The following DNAJC1 variants were observed in gnomAD, a reference collection of about 807,000 sequenced individuals.
DNAJC1 encodes DnaJ heat shock protein family (Hsp40) member C1.
In DNAJC1, 58 loss-of-function variants were observed where a neutral mutation model predicts 76.6. That is an observed-to-expected ratio of 0.76 (90% CI 0.61 to 0.94). DNAJC1 has a LOEUF of 0.94. Ranked by LOEUF, DNAJC1 falls within the 40% of genes least tolerant of loss-of-function variation. The pLI, the probability that DNAJC1 is intolerant of heterozygous loss-of-function variation, is 0.00. For missense variants in DNAJC1, 689 were observed against 677.3 expected (o/e 1.02, Z -0.19); for synonymous variants, 258 against 267.9 (o/e 0.96, Z 0.36).
chr10:21,829,194 C>A (rs571999708), intron 8 of DNAJC1, among the ~76,000 whole-genome samples: 2 of 151,106 alleles, frequency 1.3e-5, no homozygotes, highest in African/African-American at 4.9e-5. Flanking sequence ...CCATGCCCAG[C>A]TGATTTTTTT....
chr10:21,818,509 C>G (rs1163158789), intron 8 of DNAJC1, among the ~76,000 whole-genome samples: 1 of 152,076 alleles, frequency 6.6e-6, no homozygotes, highest in Admixed American at 6.6e-5. Context: ...CCTCTGTGAC[C>G]CACACCCTTT....
At chr10:21,914,555 T>G (rs1371661736) in intron 6 of DNAJC1, among the ~76,000 whole-genome samples, 1 of 152,216 alleles carries the variant, frequency 6.6e-6, no homozygotes, top group East Asian at 1.9e-4. Flanking sequence ...TTATTCTGTC[T>G]AAATATTCTT....
At chr10:21,941,147 T>A (rs1837403635) in intron 1 of DNAJC1, among the ~76,000 whole-genome samples, 1 of 147,790 alleles carries the variant, frequency 6.8e-6, no homozygotes, top group Non-Finnish European at 1.5e-5. Flanking sequence ...CAGGTGCCTG[T>A]AGTCCCAGCT....
At chr10:21,788,797 C>T (rs1834644653) in intron 9 of DNAJC1, among the ~76,000 whole-genome samples, 1 of 152,156 alleles carries the variant, frequency 6.6e-6, no homozygotes, top group Non-Finnish European at 1.5e-5. Context: ...GCTCAAACCT[C>T]CAGAGCACAC....
intron 7 of DNAJC1, among the ~76,000 whole-genome samples, chr10:21,884,456 G>GA (rs1371428147): frequency 6.6e-6 from 1 of 152,110 alleles, no homozygotes; most frequent in Non-Finnish European, 1.5e-5. Flanking sequence ...ATTGGTGGAG[G>GA]AAATGTATTA....
At chr10:21,922,428 G>T (rs1837056234) in intron 3 of DNAJC1, among the ~76,000 whole-genome samples, 1 of 151,906 alleles carries the variant, frequency 6.6e-6, no homozygotes, top group Non-Finnish European at 1.5e-5. Flanking sequence ...TGAAAGCAAA[G>T]GACATTAATT....
intron 8 of DNAJC1, among the ~76,000 whole-genome samples, chr10:21,855,483 A>G (rs1010290678): frequency 4.6e-5 from 7 of 152,212 alleles, no homozygotes; most frequent in African/African-American, 1.7e-4. Flanking sequence ...GAAAAAAATA[A>G]AACTGTTTTA....
At chr10:21,914,925 G>A (rs148565416) in intron 6 of DNAJC1, among the ~76,000 whole-genome samples, 1 of 152,128 alleles carries the variant, frequency 6.6e-6, no homozygotes, top group African/African-American at 2.4e-5. Flanking sequence ...ATCTACAGAA[G>A]TCACTGTTCA....
chr10:21,975,427 A>C (rs1454636455), intron 1 of DNAJC1, among the ~76,000 whole-genome samples: 2 of 152,176 alleles, frequency 1.3e-5, no homozygotes, highest in Non-Finnish European at 2.9e-5. Flanking sequence ...AAAAACATGA[A>C]GTGGGCTGAA....
At chr10:21,807,431 C>T (rs1054106362) in intron 8 of DNAJC1, among the ~76,000 whole-genome samples, 2 of 152,142 alleles carry the variant, frequency 1.3e-5, no homozygotes, top group African/African-American at 2.4e-5. Context: ...TTACTGTCTC[C>T]CCCAATCAAT....
At chr10:21,861,173 T>A (rs1286724370) in intron 8 of DNAJC1, among the ~76,000 whole-genome samples, 1 of 152,130 alleles carries the variant, frequency 6.6e-6, no homozygotes, top group Admixed American at 6.6e-5. Context: ...AGGTAAAGAT[T>A]CTAAGCCCAT....
intron 9 of DNAJC1, among the ~76,000 whole-genome samples, chr10:21,772,216 T>G (rs1834388119): frequency 6.6e-6 from 1 of 151,916 alleles, no homozygotes; most frequent in Non-Finnish European, 1.5e-5. Context: ...TCTTTGGTTT[T>G]GCATCAAGGT....
At chr10:21,849,824 C>G (rs1835722967) in intron 8 of DNAJC1, among the ~76,000 whole-genome samples, 1 of 151,716 alleles carries the variant, frequency 6.6e-6, no homozygotes, top group African/African-American at 2.4e-5. Flanking sequence ...GAAAATCATT[C>G]AATGTAATAC....
intron 8 of DNAJC1, among the ~76,000 whole-genome samples, chr10:21,877,873 G>A (rs967587765): frequency 2.6e-5 from 4 of 152,154 alleles, no homozygotes; most frequent in African/African-American, 9.7e-5. Context: ...CTGTTGACTG[G>A]AAGCTTTAAT....
chr10:21,845,859 G>T (rs1001316264), intron 8 of DNAJC1, among the ~76,000 whole-genome samples: 1 of 151,986 alleles, frequency 6.6e-6, no homozygotes, highest in Non-Finnish European at 1.5e-5. Context: ...TTGGTAATAT[G>T]CCCCCAGGAA....
chr10:21,830,911 T>A (rs1193017885), intron 8 of DNAJC1, among the ~76,000 whole-genome samples: 1 of 152,196 alleles, frequency 6.6e-6, no homozygotes, highest in Non-Finnish European at 1.5e-5. Context: ...TTTCATATCC[T>A]GTCATGTTCT....
intron 8 of DNAJC1, among the ~76,000 whole-genome samples, chr10:21,875,777 T>C (rs1180215735): frequency 6.6e-6 from 1 of 152,022 alleles, no homozygotes; most frequent in African/African-American, 2.4e-5. Context: ...ATACAAAAAT[T>C]AGCTGGGTGT....
At chr10:21,834,433 G>A (rs1835416041) in intron 8 of DNAJC1, among the ~76,000 whole-genome samples, 1 of 152,176 alleles carries the variant, frequency 6.6e-6, no homozygotes, top group African/African-American at 2.4e-5. Flanking sequence ...TTCAACTGAG[G>A]TACCGGGTTC....
Position 22,003,209 on chromosome 10 carries a change from T to C in DNAJC1, c.222+4A>G. On this transcript the variant is annotated splice_donor_region_variant and intron_variant, in intron 1 of 11. Transcript: ENST00000376980. Reference sequence around the variant, plus strand: ...CGCCCGGCCCCGCGCGCCTCCTTGCTTACCTGCTGCACCCCGAGGAACTGG... The same window carrying C: ...CGCCCGGCCCCGCGCGCCTCCTTGCCTACCTGCTGCACCCCGAGGAACTGG... The C allele has an allele frequency of 6.5e-7, 1 of 1,547,508 alleles. No individual in the cohort carries two copies. The highest frequency in any genetic ancestry group is 8.7e-7 in the Non-Finnish European group (1 of 1,148,016).
Sources: gnomAD v4.1 joint callset for allele counts (sites outside exome capture counted in the v4.1 genomes callset) on GRCh38, gnomAD v4.1.1 for gene constraint, MANE v1.5 for transcripts, NCBI Gene and HGNC (gene_info 2026-07-23, HGNC 2026-07-21) for gene names.